USH2A: variants seen among roughly 807,000 people sequenced by gnomAD.
USH2A encodes usherin.
A neutral mutation model predicts 538.9 loss-of-function variants in USH2A; 443 were observed. The ratio of observed to expected loss-of-function variants is 0.82; its 90% CI spans 0.76 to 0.89. The LOEUF (loss-of-function observed/expected upper bound fraction) is 0.89, where lower values mean the gene tolerates loss of function less well. USH2A is among the 40% of genes least tolerant of loss of function. USH2A has a pLI of 0.00. For missense variants in USH2A, 6,633 were observed against 6,324.8 expected, an observed-to-expected ratio of 1.05 and a Z score of -1.65; for synonymous variants, 2,413 against 2,273.5, an observed-to-expected ratio of 1.06 and a Z score of -1.75.
At chr1:215,741,137 G>A (rs1660288765) in intron 60 of USH2A, among the ~76,000 whole-genome samples, 1 of 152,072 alleles carries the variant, frequency 6.6e-6, no homozygotes, top group South Asian at 2.1e-4. Context: ...AATCAAAAAT[G>A]TTATATGGCA....
Position 215,752,527 on chromosome 1 carries a change from T to A in USH2A, c.11389+6068A>T, listed in dbSNP as rs75642462. Among the ~76,000 whole-genome samples, 884 of 152,284 alleles carry A rather than the reference T, an allele frequency of 5.8e-3. 14 individuals carry two copies. Among genetic ancestry groups the A allele is most frequent in the African/African-American group, 0.02 (831 of 41,566 alleles). Reference sequence around the variant, plus strand: ...GAAGTGACTCTCCTCCCCTCCCACCTAACTAAAATCTTCCTACACCTGGAA... The same window carrying A: ...GAAGTGACTCTCCTCCCCTCCCACCAAACTAAAATCTTCCTACACCTGGAA... On this transcript the variant is annotated intron_variant, in intron 58 of 71. Coordinates refer to ENST00000307340, the MANE Select transcript of USH2A (RefSeq NM_206933.4).
At chr1:216,369,713 C>A (rs1229623021) in intron 3 of USH2A, among the ~76,000 whole-genome samples, 1 of 151,626 alleles carries the variant, frequency 6.6e-6, no homozygotes, top group Non-Finnish European at 1.5e-5. Context: ...GAGTTTGAGA[C>A]CAGCCTGGCC....
At chr1:216,226,366 A>G (rs1270633196) in intron 14 of USH2A, among the ~76,000 whole-genome samples, 1 of 152,206 alleles carries the variant, frequency 6.6e-6, no homozygotes, top group African/African-American at 2.4e-5. Context: ...CAACATTCCA[A>G]TCTTTATTTA....
intron 49 of USH2A, among the ~76,000 whole-genome samples, chr1:215,803,881 C>G (rs571028671): frequency 1.3e-5 from 2 of 152,138 alleles, no homozygotes; most frequent in African/African-American, 4.8e-5. Context: ...TGACTTCAAA[C>G]TAGACTACAA....
chr1:216,221,593 C>T (rs2035459089), intron 14 of USH2A, among the ~76,000 whole-genome samples: 1 of 152,156 alleles, frequency 6.6e-6, no homozygotes. Flanking sequence ...TGTGCAACCC[C>T]ACCCTCTTTG....
intron 32 of USH2A, among the ~76,000 whole-genome samples, chr1:216,035,416 C>A (rs994433282): frequency 6.6e-6 from 1 of 152,074 alleles, no homozygotes. Flanking sequence ...AGCAAACAAC[C>A]AAAACAAGGA....
intron 44 of USH2A, among the ~76,000 whole-genome samples, chr1:215,854,746 G>C (rs750722625): frequency 6.6e-6 from 1 of 152,164 alleles, no homozygotes; most frequent in Non-Finnish European, 1.5e-5. Context: ...CATTTACATA[G>C]TGCATGAATA....
chr1:216,371,903 T>G (rs2038722423), intron 3 of USH2A, among the ~76,000 whole-genome samples: 2 of 152,248 alleles, frequency 1.3e-5, no homozygotes, highest in Admixed American at 1.3e-4. Flanking sequence ...ACTGTGATTC[T>G]TCACATAACT....
At chr1:216,396,982 A>T (rs2039223745) in intron 3 of USH2A, among the ~76,000 whole-genome samples, 2 of 152,366 alleles carry the variant, frequency 1.3e-5, no homozygotes, top group African/African-American at 4.8e-5. Flanking sequence ...TGACACACTA[A>T]TGCCAAGTGA....
At chr1:215,933,889 C>T (rs1056532824) in intron 38 of USH2A, among the ~76,000 whole-genome samples, 1 of 151,966 alleles carries the variant, frequency 6.6e-6, no homozygotes, top group African/African-American at 2.4e-5. Context: ...GCTTTCTGTT[C>T]AAGGGCCATC....
At chr1:215,729,871 C>T (rs1659941702) in intron 60 of USH2A, among the ~76,000 whole-genome samples, 1 of 152,162 alleles carries the variant, frequency 6.6e-6, no homozygotes. Context: ...AAGCCTCTGG[C>T]CTTGGCCTTC....
At chr1:216,212,981 A>C (rs1358712256) in intron 15 of USH2A, among the ~76,000 whole-genome samples, 1 of 152,144 alleles carries the variant, frequency 6.6e-6, no homozygotes, top group Non-Finnish European at 1.5e-5. Flanking sequence ...ACTGGAGAGC[A>C]CATGGCTAAG....
chr1:215,686,992 T>C (rs2797247), intron 61 of USH2A, among the ~76,000 whole-genome samples: 112,075 of 151,944 alleles, frequency 0.74, 41,816 homozygotes, highest in East Asian at 0.9. Context: ...ATCAGAACCA[T>C]GCCTTCCTGA....
At chr1:216,155,651 T>C (rs143427876) in intron 21 of USH2A, among the ~76,000 whole-genome samples, 4 of 152,272 alleles carry the variant, frequency 2.6e-5, no homozygotes, top group African/African-American at 9.6e-5. Context: ...CTGATTTGAG[T>C]GATAACTCCA....
rs561664278 is a variant in USH2A, at chr1:216,117,913, T to C, written c.4628-20700A>G. On this transcript the variant is annotated intron_variant, in intron 21 of 71. Coordinates refer to ENST00000307340, the MANE Select transcript of USH2A (RefSeq NM_206933.4). ...ATATGCATGTATACACAGATATATA[T>C]ATGCATGTATTCCTCCTCCAAAGGA... Among the ~76,000 whole-genome samples the C allele has an allele frequency of 2.1e-3, 326 of 151,736 alleles. 2 individuals are homozygous for C. The highest frequency in any genetic ancestry group is 7.5e-3 in the African/African-American group (308 of 41,340).
At chr1:215,720,089 G>A (rs988644094) in intron 61 of USH2A, among the ~76,000 whole-genome samples, 5 of 152,180 alleles carry the variant, frequency 3.3e-5, no homozygotes, top group African/African-American at 4.8e-5. Flanking sequence ...ACATATCACT[G>A]CATGACTTAT....
intron 32 of USH2A, among the ~76,000 whole-genome samples, chr1:216,038,232 T>C (rs1427895010): frequency 6.6e-6 from 1 of 152,038 alleles, no homozygotes; most frequent in Non-Finnish European, 1.5e-5. Flanking sequence ...CAAAAACTTT[T>C]TGTAAAACAT....
At chr1:216,037,175 C>G (rs997661711) in intron 32 of USH2A, among the ~76,000 whole-genome samples, 11 of 152,016 alleles carry the variant, frequency 7.2e-5, no homozygotes, top group African/African-American at 2.4e-4. Context: ...GGAACCAAAT[C>G]AGAACTGTAA....
intron 14 of USH2A, among the ~76,000 whole-genome samples, chr1:216,230,896 TCTCA>T (rs1558331325): frequency 5.4e-5 from 8 of 149,138 alleles, no homozygotes; most frequent in Non-Finnish European, 5.9e-5. Flanking sequence ...TCTCTCTCTC[TCTCA>T]CACACACACA....
Sources: gnomAD v4.1 joint callset for allele counts (sites outside exome capture counted in the v4.1 genomes callset) on GRCh38, gnomAD v4.1.1 for gene constraint, MANE v1.5 for transcripts, NCBI Gene and HGNC (gene_info 2026-07-23, HGNC 2026-07-21) for gene names.